Variants in PTPRO observed in about 807,000 individuals in gnomAD.
PTPRO encodes receptor-type tyrosine-protein phosphatase O.
A neutral mutation model predicts 145.2 loss-of-function variants in PTPRO; 62 were observed. The observed-to-expected ratio is 0.43, with a 90% CI of 0.35 to 0.53. PTPRO has a LOEUF of 0.53. Among genes scored for constraint, PTPRO ranks in the 20% least tolerant of loss-of-function variants. The pLI is 0.01. For synonymous variants in PTPRO, 565 were observed against 514.7 expected (o/e 1.10, Z -1.32); for missense variants, 1,345 against 1,482.7 (o/e 0.91, Z 1.53).
Position 15,436,065 on chromosome 12 carries a change from T to C in PTPRO, c.76-47909T>C, listed in dbSNP as rs373066541. Among the ~76,000 whole-genome samples, 263 of 152,330 alleles carry C rather than the reference T, an allele frequency of 1.7e-3. 1 individual carries two copies. The highest frequency in any genetic ancestry group is 6.0e-3 in the African/African-American group (251 of 41,574). On this transcript the variant is annotated intron_variant, in intron 1 of 26. Coordinates refer to ENST00000281171, the MANE Select transcript of PTPRO (RefSeq NM_030667.3). ...GAAATGAAGGCAGAAATAAAGATGTTCTTTGAAACCAACAAGAACAAAGAC... is the reference window on the plus strand; with the variant it reads ...GAAATGAAGGCAGAAATAAAGATGTCCTTTGAAACCAACAAGAACAAAGAC...
At chr12:15,588,988 G>C (rs1371071878) in intron 24 of PTPRO, among the ~76,000 whole-genome samples, 1 of 152,216 alleles carries the variant, frequency 6.6e-6, no homozygotes, top group Non-Finnish European at 1.5e-5. Flanking sequence ...AATCAGTTAA[G>C]TGGAAAATAT....
intron 17 of PTPRO, among the ~76,000 whole-genome samples, chr12:15,562,805 C>T (rs1029656967): frequency 1.4e-5 from 2 of 147,610 alleles, no homozygotes; most frequent in Non-Finnish European, 3.0e-5. Flanking sequence ...TCTGCTTGTT[C>T]TCAATCCTAG....
intron 1 of PTPRO, among the ~76,000 whole-genome samples, chr12:15,476,511 A>C (rs1350412702): frequency 6.6e-6 from 1 of 151,100 alleles, no homozygotes; most frequent in East Asian, 2.0e-4. Flanking sequence ...CCCATGTTGT[A>C]GGTTGCCTGT....
intron 1 of PTPRO, among the ~76,000 whole-genome samples, chr12:15,414,379 A>G (rs1164958128): frequency 6.6e-6 from 1 of 152,248 alleles, no homozygotes; most frequent in East Asian, 1.9e-4. Context: ...ATCCCAGAAC[A>G]GGACACCTCA....
intron 1 of PTPRO, among the ~76,000 whole-genome samples, chr12:15,341,107 G>T (rs529627510): frequency 6.6e-6 from 1 of 152,232 alleles, no homozygotes; most frequent in South Asian, 2.1e-4. Context: ...TAAGGTAAGG[G>T]TTTTGTTTGT....
At chr12:15,490,328 G>T (rs1206982942) in intron 2 of PTPRO, among the ~76,000 whole-genome samples, 1 of 152,116 alleles carries the variant, frequency 6.6e-6, no homozygotes, top group Non-Finnish European at 1.5e-5. Flanking sequence ...GATAATAAGT[G>T]TGTTATGCTT....
chr12:15,460,521 T>C (rs1009162267), intron 1 of PTPRO, among the ~76,000 whole-genome samples: 1 of 152,226 alleles, frequency 6.6e-6, no homozygotes. Context: ...TCATTGCCTG[T>C]TAGAAAACAA....
Position 15,484,063 on chromosome 12 carries a change from G to A in PTPRO, c.165G>A (p.Val55=). The part of the protein sequence containing the change: ...EASDVISPAS[V]YVVKITGESK... ...CAGACGTCATCAGTCCAGCATCTGT[G>A]TATGTTGTGAAGATAACTGGTGAAT... Residue 55 remains valine, a synonymous_variant, in exon 2 of 27, where the codon GTG becomes GTA. Coordinates refer to ENST00000281171, the MANE Select transcript of PTPRO (RefSeq NM_030667.3). 1 of 1,613,844 alleles carries A rather than the reference G, an allele frequency of 6.2e-7. No individual in the cohort carries two copies. Among genetic ancestry groups the A allele is most frequent in the Non-Finnish European group, 8.5e-7 (1 of 1,179,810 alleles).
chr12:15,492,655 C>T (rs903889764), intron 2 of PTPRO, among the ~76,000 whole-genome samples: 1 of 151,956 alleles, frequency 6.6e-6, no homozygotes, highest in African/African-American at 2.4e-5. Context: ...ATGCATCAAA[C>T]TAGGTAAAAT....
At chr12:15,349,720 A>G (rs1937727792) in intron 1 of PTPRO, among the ~76,000 whole-genome samples, 1 of 152,260 alleles carries the variant, frequency 6.6e-6, no homozygotes, top group Non-Finnish European at 1.5e-5. Context: ...CCAGTTGTTA[A>G]TCACATTAAA....
intron 1 of PTPRO, among the ~76,000 whole-genome samples, chr12:15,362,947 G>T (rs1938254014): frequency 6.6e-6 from 1 of 151,996 alleles, no homozygotes; most frequent in Non-Finnish European, 1.5e-5. Context: ...AATATTTTCA[G>T]CTGAAATATT....
chr12:15,545,875 A>T (rs1565698714), intron 12 of PTPRO, among the ~76,000 whole-genome samples: 1 of 151,978 alleles, frequency 6.6e-6, no homozygotes, highest in Non-Finnish European at 1.5e-5. Flanking sequence ...CTCTGCAAAA[A>T]ATGCAAAAAT....
chr12:15,325,799 T>C (rs1007144986), intron 1 of PTPRO, among the ~76,000 whole-genome samples: 1 of 152,218 alleles, frequency 6.6e-6, no homozygotes, highest in Non-Finnish European at 1.5e-5. Flanking sequence ...TCGTGGAATA[T>C]GACATCATAG....
chr12:15,495,057 G>T (rs1942072903), intron 2 of PTPRO, among the ~76,000 whole-genome samples: 1 of 152,086 alleles, frequency 6.6e-6, no homozygotes, highest in Admixed American at 6.6e-5. Flanking sequence ...TCAAGGGTTG[G>T]TTGATTGGTT....
intron 1 of PTPRO, among the ~76,000 whole-genome samples, chr12:15,442,060 C>A (rs965001951): frequency 6.6e-6 from 1 of 152,050 alleles, no homozygotes; most frequent in African/African-American, 2.4e-5. Context: ...AAGAAAATTG[C>A]AGGCCAACAT....
At position 15,585,162 on chromosome 12, in the gene PTPRO, G is replaced by T. The variant is rs371721674; in HGVS notation, c.3256-1735G>T. Among the ~76,000 whole-genome samples the T allele has an allele frequency of 2.0e-5, 3 of 152,168 alleles. No individual in the cohort carries two copies. The East Asian group carries it at 5.8e-4, about 29-fold the overall frequency. Reference sequence around the variant, plus strand: ...AACTGAATACATTTTCACTTCAACCGTACTGGAATATATATATTGGCTACA... The same window carrying T: ...AACTGAATACATTTTCACTTCAACCTTACTGGAATATATATATTGGCTACA... On this transcript the variant is annotated intron_variant, in intron 23 of 26. Coordinates refer to ENST00000281171, the MANE Select transcript of PTPRO (RefSeq NM_030667.3).
intron 1 of PTPRO, among the ~76,000 whole-genome samples, chr12:15,356,313 T>C (rs1224728887): frequency 6.6e-6 from 1 of 152,182 alleles, no homozygotes; most frequent in Non-Finnish European, 1.5e-5. Flanking sequence ...TAGAGATACC[T>C]TTAAGAATTA....
intron 1 of PTPRO, among the ~76,000 whole-genome samples, chr12:15,417,295 C>T (rs1940008249): frequency 6.6e-6 from 1 of 151,690 alleles, no homozygotes; most frequent in South Asian, 2.1e-4. Context: ...ATAAGTAGAA[C>T]CATTGTAAGT....
At chr12:15,510,507 G>C (rs1217356486) in intron 7 of PTPRO, among the ~76,000 whole-genome samples, 1 of 152,074 alleles carries the variant, frequency 6.6e-6, no homozygotes, top group Non-Finnish European at 1.5e-5. Context: ...GAATAAAAAG[G>C]CTAAAGGTAG....
Sources: gnomAD v4.1 joint callset for allele counts (sites outside exome capture counted in the v4.1 genomes callset) on GRCh38, gnomAD v4.1.1 for gene constraint, MANE v1.5 for transcripts, NCBI Gene and HGNC (gene_info 2026-07-23, HGNC 2026-07-21) for gene names.